THSD4: variants seen among roughly 807,000 people sequenced by gnomAD.
THSD4 encodes thrombospondin type 1 domain containing 4, also known as thrombospondin type-1 domain-containing protein 4.
In THSD4, 69 loss-of-function variants were observed where a neutral mutation model predicts 119.0. That is an observed-to-expected ratio of 0.58 (90% confidence interval 0.48 to 0.71). The LOEUF is 0.71. Ranked by LOEUF, THSD4 falls within the 30% of genes least tolerant of loss-of-function variation. THSD4 has a pLI of 0.00. For missense variants in THSD4, 1,393 were observed against 1,391.1 expected, an observed-to-expected ratio of 1.00 and a Z score of -0.02; for synonymous variants, 524 against 540.4, an observed-to-expected ratio of 0.97 and a Z score of 0.42.
intron 7 of THSD4, among the ~76,000 whole-genome samples, chr15:71,545,826 C>A (rs937904325): frequency 5.9e-5 from 9 of 152,210 alleles, no homozygotes; most frequent in African/African-American, 2.2e-4. Context: ...CCCTCCCTGT[C>A]CCCCACCAAA....
chr15:71,315,758 C>T (rs540051087), intron 6 of THSD4, among the ~76,000 whole-genome samples: 1 of 152,328 alleles, frequency 6.6e-6, no homozygotes, highest in East Asian at 1.9e-4. Context: ...AAAGTTGTAT[C>T]TGTCCTTGCT....
chr15:71,705,486 A>G (rs73430234), intron 8 of THSD4, among the ~76,000 whole-genome samples: 4,161 of 152,272 alleles, frequency 0.027, 167 homozygotes, highest in African/African-American at 0.094. Flanking sequence ...TCTTCTTGCC[A>G]TGCACAGGAG....
chr15:71,281,142 C>G (rs1208426503), intron 6 of THSD4, among the ~76,000 whole-genome samples: 2 of 152,226 alleles, frequency 1.3e-5, no homozygotes, highest in African/African-American at 4.8e-5. Flanking sequence ...TTGTGGGTTC[C>G]CCTGTGGGTC....
chr15:71,595,071 GT>G (rs894754093), intron 7 of THSD4, among the ~76,000 whole-genome samples: 1 of 152,218 alleles, frequency 6.6e-6, no homozygotes, highest in Admixed American at 6.5e-5. Context: ...GATGAGCTGA[GT>G]TTGAAAAGTC....
chr15:71,764,425 G>A (rs908095821), intron 15 of THSD4, among the ~76,000 whole-genome samples: 11 of 152,230 alleles, frequency 7.2e-5, no homozygotes, highest in African/African-American at 2.7e-4. Flanking sequence ...ACCCCATGGT[G>A]CAGATTTCAG....
chr15:71,279,903 C>A (rs970030094), intron 6 of THSD4, among the ~76,000 whole-genome samples: 2 of 152,198 alleles, frequency 1.3e-5, no homozygotes, highest in Non-Finnish European at 1.5e-5. Context: ...AAGGACACAA[C>A]CTCAGTGCAA....
rs1197511713 is a variant in THSD4 at position 71,215,327 on chromosome 15, G to T, written c.392G>T (p.Arg131Leu). Residue 131 changes from arginine to leucine, a missense_variant, in exon 4 of 18, where the codon CGC becomes CTC. By Grantham distance (102) the Arg-to-Leu change is moderately radical. Coordinates refer to ENST00000261862, the MANE Select transcript of THSD4 (RefSeq NM_024817.3). ...GCGCTGGCCGGTACGGACGCCAGCC[G>T]CCAGGGCCCCACGGTGCTGCGAGGC... ...TPALAGTDAS[R>L]QGPTVLRGSR... The T allele has an allele frequency of 1.3e-6, 2 of 1,530,112 alleles. No individual in the cohort carries two copies. The highest frequency in any genetic ancestry group is 2.4e-5 in the South Asian group (2 of 83,814). 94.8% of individuals were successfully genotyped at this position (1,530,112 alleles called of 1,614,324 possible).
intron 6 of THSD4, among the ~76,000 whole-genome samples, chr15:71,386,045 C>T (rs1056508524): frequency 6.6e-6 from 1 of 152,172 alleles, no homozygotes; most frequent in East Asian, 1.9e-4. Flanking sequence ...GAGAAGAAAT[C>T]ATATTCTCTG....
intron 7 of THSD4, among the ~76,000 whole-genome samples, chr15:71,472,214 G>A (rs745937150): frequency 1.3e-5 from 2 of 152,118 alleles, no homozygotes; most frequent in African/African-American, 2.4e-5. Flanking sequence ...ACTGCGCCTG[G>A]CCTAGTAAGT....
intron 8 of THSD4, among the ~76,000 whole-genome samples, chr15:71,723,072 G>GT (rs56241621): frequency 0.024 from 3,523 of 148,666 alleles, 67 homozygotes; most frequent in Middle Eastern, 0.052. Flanking sequence ...ATTTAGGCTA[G>GT]TTTTTTTTTT....
At chr15:71,456,112 A>G (rs140325169) in intron 7 of THSD4, among the ~76,000 whole-genome samples, 54 of 152,310 alleles carry the variant, frequency 3.5e-4, no homozygotes, top group African/African-American at 1.3e-3. Context: ...GGGTATAAGG[A>G]AAGAACTTTT....
intron 6 of THSD4, among the ~76,000 whole-genome samples, chr15:71,290,875 C>CTTT (rs11438956): frequency 8.5e-5 from 11 of 129,474 alleles, no homozygotes; most frequent in South Asian, 7.5e-4. Context: ...TCCTTTTTTC[C>CTTT]TTTTTTTTTT....
intron 7 of THSD4, among the ~76,000 whole-genome samples, chr15:71,593,674 T>C (rs1406623726): frequency 6.6e-6 from 1 of 151,968 alleles, no homozygotes; most frequent in Admixed American, 6.6e-5. Context: ...GGTGGGTGGA[T>C]TACAAGAGCC....
intron 7 of THSD4, among the ~76,000 whole-genome samples, chr15:71,506,725 T>G (rs1334379439): frequency 6.6e-6 from 1 of 152,210 alleles, no homozygotes; most frequent in Admixed American, 6.5e-5. Flanking sequence ...AAGAGCAGGT[T>G]GTCTTTCCTG....
At chr15:71,262,729 A>G (rs1393285437) in intron 6 of THSD4, among the ~76,000 whole-genome samples, 1 of 152,194 alleles carries the variant, frequency 6.6e-6, no homozygotes, top group African/African-American at 2.4e-5. Context: ...CAGTGATTGT[A>G]TCTGTCAGCA....
chr15:71,153,229 GA>G (rs996322370), intron 2 of THSD4, among the ~76,000 whole-genome samples: 27 of 152,120 alleles, frequency 1.8e-4, no homozygotes, highest in Admixed American at 1.6e-3. Context: ...TAGGGGAGTG[GA>G]GGGGCTGTAT....
At chr15:71,285,440 C>T (rs1249325680) in intron 6 of THSD4, among the ~76,000 whole-genome samples, 3 of 152,164 alleles carry the variant, frequency 2.0e-5, no homozygotes, top group African/African-American at 7.2e-5. Context: ...ACCAAATGTT[C>T]TCATGAATTG....
intron 7 of THSD4, among the ~76,000 whole-genome samples, chr15:71,619,887 A>G (rs188167563): frequency 1.1e-3 from 161 of 152,288 alleles, no homozygotes; most frequent in African/African-American, 3.6e-3. Flanking sequence ...TTGTTTAACT[A>G]TTTCTTAATA....
intron 6 of THSD4, among the ~76,000 whole-genome samples, chr15:71,396,544 C>T (rs1484786657): frequency 6.6e-6 from 1 of 152,154 alleles, no homozygotes; most frequent in Non-Finnish European, 1.5e-5. Flanking sequence ...GGAGAAACCC[C>T]AGCCACATCA....
Sources: allele counts gnomAD v4.1 joint callset (sites outside exome capture counted in the v4.1 genomes callset), GRCh38; gene constraint gnomAD v4.1.1; transcripts MANE v1.5; gene names NCBI Gene and HGNC (gene_info 2026-07-23, HGNC 2026-07-21).